PLXNC1: variants seen among roughly 807,000 people sequenced by gnomAD.
The protein encoded by PLXNC1 is plexin-C1.
A neutral mutation model predicts 178.2 loss-of-function variants in PLXNC1; 75 were observed. That is an observed-to-expected ratio of 0.42 (90% CI 0.35 to 0.51). The LOEUF (loss-of-function observed/expected upper bound fraction) is 0.51. Among genes scored for constraint, PLXNC1 ranks in the 20% least tolerant of loss-of-function variants. The pLI, the probability that PLXNC1 is intolerant of heterozygous loss-of-function variation, is 0.02. For missense variants in PLXNC1, 1,503 were observed against 1,984.4 expected (o/e 0.76, Z 4.61); for synonymous variants, 790 against 779.9 (o/e 1.01, Z -0.22).
rs186424124 is a variant in PLXNC1 at position 94,285,408 on chromosome 12, G to A, written c.3879+3007G>A. On this transcript the variant is annotated intron_variant, in intron 23 of 30. Coordinates refer to ENST00000258526, the MANE Select transcript of PLXNC1 (RefSeq NM_005761.3). Reference sequence around the variant, plus strand: ...GGTCACCCAGTTTGAAAGTGGTTGCGTTGGGTGATGACTGAGGTGCTGCCC... The same window carrying A: ...GGTCACCCAGTTTGAAAGTGGTTGCATTGGGTGATGACTGAGGTGCTGCCC... Among the ~76,000 whole-genome samples, 378 of 152,286 alleles carry A rather than the reference G, an allele frequency of 2.5e-3. 1 individual carries two copies. Among genetic ancestry groups the A allele is most frequent in the African/African-American group, 8.3e-3 (343 of 41,566 alleles).
At chr12:94,152,474 C>T (rs1960996558) in intron 1 of PLXNC1, among the ~76,000 whole-genome samples, 1 of 152,108 alleles carries the variant, frequency 6.6e-6, no homozygotes, top group East Asian at 1.9e-4. Context: ...TCAGTGTGCC[C>T]CTGGCTGTCA....
intron 9 of PLXNC1, 94 bp from the exon 10 acceptor site, chr12:94,237,570 T>C: frequency 3.9e-6 from 4 of 1,021,624 alleles, no homozygotes; most frequent in Non-Finnish European, 5.8e-6. Flanking sequence ...AATTTCCCAG[T>C]GATTTCTTCG....
At chr12:94,227,811 T>C (rs1963988283) in intron 9 of PLXNC1, among the ~76,000 whole-genome samples, 1 of 152,234 alleles carries the variant, frequency 6.6e-6, no homozygotes, top group Non-Finnish European at 1.5e-5. Flanking sequence ...AGCCCCCACG[T>C]CAGTCATGTT....
chr12:94,300,810 A>G (rs1322949676), intron 27 of PLXNC1, 100 bp from the exon 28 acceptor site: 1 of 1,114,312 alleles, frequency 9.0e-7, no homozygotes. Flanking sequence ...TGTATACTTC[A>G]ATAACAAGGA....
chr12:94,251,806 A>G (rs1455507745), intron 15 of PLXNC1, among the ~76,000 whole-genome samples: 2 of 152,240 alleles, frequency 1.3e-5, no homozygotes, highest in African/African-American at 4.8e-5. Context: ...AGCCTGGCCA[A>G]CATGGCAAAA....
chr12:94,287,362 G>C (rs989058884), intron 23 of PLXNC1, among the ~76,000 whole-genome samples: 1 of 152,226 alleles, frequency 6.6e-6, no homozygotes, highest in Admixed American at 6.5e-5. Flanking sequence ...ATGTGCACCT[G>C]CATGTTCAGG....
At chr12:94,222,720 A>G (rs1418857379) in intron 6 of PLXNC1, among the ~76,000 whole-genome samples, 4 of 152,202 alleles carry the variant, frequency 2.6e-5, no homozygotes, top group Non-Finnish European at 5.9e-5. Flanking sequence ...TTGGTGCTTG[A>G]AAAAAAGTAT....
Position 94,240,595 on chromosome 12 carries a change from C to A in PLXNC1, c.2231C>A (p.Ser744Tyr). The A allele has an allele frequency of 6.2e-7, 1 of 1,613,746 alleles. No homozygotes were observed. The highest frequency in any genetic ancestry group is 8.5e-7 in the Non-Finnish European group (1 of 1,179,590). The change falls in exon 11 of 31, where the codon TCT becomes TAT. Residue 744 changes from serine (S) to tyrosine (Y), a missense_variant. Physicochemically the swap from Ser to Tyr is moderately radical, Grantham distance 144. Coordinates refer to ENST00000258526, the MANE Select transcript of PLXNC1 (RefSeq NM_005761.3). ...CAGTTTGATGGTGGGAACTGCTCTT[C>A]TGTGGGATCCTTATCCTACATTGCT... The part of the protein sequence containing the change: ...CIQFDGGNCS[S>Y]VGSLSYIALP...
chr12:94,152,048 A>C (rs1002238151), intron 1 of PLXNC1, among the ~76,000 whole-genome samples: 1 of 152,238 alleles, frequency 6.6e-6, no homozygotes, highest in African/African-American at 2.4e-5. Context: ...CTATTTATCA[A>C]GAACTCCCAG....
intron 1 of PLXNC1, among the ~76,000 whole-genome samples, chr12:94,162,971 C>T (rs1961445007): frequency 6.6e-6 from 1 of 152,084 alleles, no homozygotes; most frequent in Non-Finnish European, 1.5e-5. Flanking sequence ...GCTAGAAGTC[C>T]CGCATCACAC....
chr12:94,275,930 A>G (rs968765569), intron 21 of PLXNC1, among the ~76,000 whole-genome samples: 6 of 151,886 alleles, frequency 4.0e-5, no homozygotes, highest in African/African-American at 1.5e-4. Flanking sequence ...AAATGAACAC[A>G]TATCAATTTA....
intron 1 of PLXNC1, among the ~76,000 whole-genome samples, chr12:94,165,723 G>A (rs531416019): frequency 6.6e-6 from 1 of 152,152 alleles, no homozygotes; most frequent in East Asian, 1.9e-4. Flanking sequence ...AAAGTTGAAG[G>A]TCTGCGGCTC....
intron 5 of PLXNC1, among the ~76,000 whole-genome samples, chr12:94,217,828 C>A (rs537267107): frequency 1.3e-5 from 2 of 152,182 alleles, no homozygotes; most frequent in Non-Finnish European, 2.9e-5. Flanking sequence ...TCTATAAGCT[C>A]TTTGAGGGCA....
intron 15 of PLXNC1, among the ~76,000 whole-genome samples, chr12:94,252,940 C>T (rs764318164): frequency 1.1e-4 from 17 of 152,126 alleles, no homozygotes; most frequent in Non-Finnish European, 1.6e-4. Context: ...TGGCTGGGCC[C>T]GGTGGCTCAT....
chr12:94,304,733 G>A (rs757664199), intron 30 of PLXNC1, among the ~76,000 whole-genome samples: 3 of 152,106 alleles, frequency 2.0e-5, no homozygotes, highest in Non-Finnish European at 2.9e-5. Flanking sequence ...AGCATCCCTC[G>A]TTCCAGGGGT....
intron 4 of PLXNC1, among the ~76,000 whole-genome samples, chr12:94,195,378 C>G (rs1962876834): frequency 1.3e-5 from 2 of 152,110 alleles, no homozygotes; most frequent in South Asian, 4.1e-4. Context: ...TGTACCTCCC[C>G]ACTGGGAGAG....
intron 21 of PLXNC1, among the ~76,000 whole-genome samples, chr12:94,271,272 G>A (rs759439407): frequency 6.6e-6 from 1 of 152,258 alleles, no homozygotes; most frequent in Non-Finnish European, 1.5e-5. Flanking sequence ...GGCATTATAA[G>A]GTATCACAGA....
chr12:94,303,693 C>CATT, intron 28 of PLXNC1, 63 bp from the exon 29 acceptor site: 1 of 699,132 alleles, frequency 1.4e-6, no homozygotes, highest in Non-Finnish European at 1.9e-6. Flanking sequence ...ATTCCTCCAT[C>CATT]TTTTTTTTTT....
chr12:94,298,780 T>C lies in PLXNC1; in HGVS notation c.4223T>C (p.Ile1408Thr). ...KKITDPDVVH[I>T]WKTNSLPLRF... ...ATCACAGATCCTGACGTCGTACATA[T>C]TTGGAAAACAAACAGGTGGGAATGT... Residue 1408 changes from isoleucine to threonine, a missense_variant, in exon 27 of 31, where the codon ATT becomes ACT. This residue lies in a region of PLXNC1 where 639 missense variants were observed against 979.7 expected (regional missense o/e 0.65). Transcript: ENST00000258526. 6.2e-7 allele frequency: 1 copy of C among 1,610,650 alleles called. No homozygotes were observed. Among genetic ancestry groups the C allele is most frequent in the Non-Finnish European group, 8.5e-7 (1 of 1,179,258 alleles).
Sources: gnomAD v4.1 joint callset for allele counts (sites outside exome capture counted in the v4.1 genomes callset) on GRCh38, gnomAD v4.1.1 for gene constraint, gnomAD v4.1.1 regional missense constraint, MANE v1.5 for transcripts, NCBI Gene and HGNC (gene_info 2026-07-23, HGNC 2026-07-21) for gene names.